SPTBN2: variants seen among roughly 807,000 people sequenced by gnomAD.
SPTBN2 encodes the protein spectrin beta chain, non-erythrocytic 2.
SPTBN2 carries 107 observed loss-of-function variants against 284.2 expected under a neutral mutation model. That is an observed-to-expected ratio of 0.38 (90% CI 0.32 to 0.44). The LOEUF (loss-of-function observed/expected upper bound fraction) is 0.44, where lower values mean the gene tolerates loss of function less well. Among genes scored for constraint, SPTBN2 ranks in the 20% least tolerant of loss-of-function variants. SPTBN2 has a pLI of 1.00. For synonymous variants in SPTBN2, 1,289 were observed against 1,354.8 expected (o/e 0.95, Z 1.07); for missense variants, 2,569 against 3,287.1 (o/e 0.78, Z 5.34).
chr11:66,698,165 C>A (rs1439152693), intron 20 of SPTBN2, among the ~76,000 whole-genome samples: 2 of 152,234 alleles, frequency 1.3e-5, no homozygotes. Context: ...ATCTGGCCCA[C>A]TGCCTGTTTT....
At chr11:66,692,773 TTAGGG>T (rs1940648095) in intron 25 of SPTBN2, 33 bp from the exon 26 acceptor site, 1 of 1,599,562 alleles carries the variant, frequency 6.3e-7, no homozygotes, top group African/African-American at 1.3e-5. Context: ...ACTGTGGGAC[TTAGGG>T]GTGTAGCTCT....
chr11:66,701,108 C>A lies in SPTBN2; in HGVS notation c.2991G>T (p.Leu997=). 1.2e-6 allele frequency: 2 copies of A among 1,612,972 alleles called. No homozygotes were observed. The highest frequency in any genetic ancestry group is 1.7e-6 in the Non-Finnish European group (2 of 1,180,038). ...GCTCCGTGCCGGCCAGCTTGCGCTG[C>A]AGGGCCAGCACCCCAGCCAGATCGT... ...LGNDLAGVLA[L]QRKLAGTERD... The change falls in exon 17 of 38, where the codon CTG becomes CTT. Residue 997 remains leucine (L), a synonymous_variant. Coordinates refer to ENST00000533211, the MANE Select transcript of SPTBN2 (RefSeq NM_006946.4).
intron 1 of SPTBN2, among the ~76,000 whole-genome samples, chr11:66,727,352 G>T (rs572044655): frequency 3.9e-4 from 60 of 152,350 alleles, no homozygotes; most frequent in Admixed American, 1.8e-3. Flanking sequence ...GCTCCGAGAG[G>T]GGGAGGGCAG....
At chr11:66,740,471 G>C (rs530537089) in intron 1 of SPTBN2, among the ~76,000 whole-genome samples, 2 of 152,296 alleles carry the variant, frequency 1.3e-5, no homozygotes, top group Non-Finnish European at 2.9e-5. Context: ...TCTGACCCCT[G>C]ATAAGAAAGC....
At position 66,694,331 on chromosome 11, in the gene SPTBN2, CTTCT is replaced by C; in HGVS notation, c.4307_4310del (p.Glu1436GlyfsTer68). ...CCTGGGCCTGGATTGCCTCCACCTC[CTTCT>C]CTCTCACAGCCATCTCCCATTCCAG... On this transcript the variant is annotated frameshift_variant, in exon 22 of 38. Transcript: ENST00000533211. LOFTEE classifies it high-confidence loss of function. The C allele has an allele frequency of 1.2e-6, 2 of 1,614,204 alleles. No individual in the cohort carries two copies. The highest frequency in any genetic ancestry group is 1.7e-6 in the Non-Finnish European group (2 of 1,180,016).
intron 17 of SPTBN2, 52 bp from the exon 18 acceptor site, chr11:66,699,660 C>G (rs751603098): frequency 1.3e-5 from 21 of 1,599,978 alleles, no homozygotes; most frequent in Middle Eastern, 1.9e-4. Context: ...AATTCACCCC[C>G]CTAGGAGGGA....
At chr11:66,694,536 A>G (rs903464752) in intron 21 of SPTBN2, among the ~76,000 whole-genome samples, 173 bp from the exon 22 acceptor site, 1 of 152,248 alleles carries the variant, frequency 6.6e-6, no homozygotes, top group African/African-American at 2.4e-5. Flanking sequence ...TATATGCACA[A>G]GAATCCAAGG....
At chr11:66,743,147 G>A (rs1247944266) in intron 1 of SPTBN2, among the ~76,000 whole-genome samples, 1 of 151,724 alleles carries the variant, frequency 6.6e-6, no homozygotes, top group Non-Finnish European at 1.5e-5. Flanking sequence ...CGGGGGGTGT[G>A]GGGGGAATGA....
At position 66,726,991 on chromosome 11, in the gene SPTBN2, G is replaced by A. The variant is rs190683929; in HGVS notation, c.-114+1750C>T. On this transcript the variant is annotated intron_variant, in intron 1 of 37. Transcript: ENST00000533211. Reference sequence around the variant, plus strand: ...TGTGTTCCTGATCAATTCCCTCGGAGGAAGTTAGGAACTGGGCTGAAGAGG... The same window carrying A: ...TGTGTTCCTGATCAATTCCCTCGGAAGAAGTTAGGAACTGGGCTGAAGAGG... 2.7e-3 allele frequency among the ~76,000 whole-genome samples: 406 copies of A among 152,316 alleles called. 1 individual carries two copies. Among genetic ancestry groups the A allele is most frequent in the Non-Finnish European group, 4.1e-3 (279 of 68,032 alleles).
Position 66,692,684 on chromosome 11 carries a change from T to A in SPTBN2, c.5042A>T (p.Glu1681Val), listed in dbSNP as rs756510588. Residue 1681 changes from glutamate to valine, a missense_variant, in exon 26 of 38, where the codon GAG becomes GTG. Physicochemically the swap from Glu to Val is moderately radical, Grantham distance 121. Transcript: ENST00000533211. Reference protein sequence around the residue: ...QVDKLYAGLKELAGERRERLQ... With the variant: ...QVDKLYAGLKVLAGERRERLQ... ...GCGCTCCCGCCGCTCTCCAGCCAGCTCCTTCAGGCCGGCATACAGCTTGTC... is the reference window on the plus strand; with the variant it reads ...GCGCTCCCGCCGCTCTCCAGCCAGCACCTTCAGGCCGGCATACAGCTTGTC... The A allele has an allele frequency of 2.5e-6, 4 of 1,604,954 alleles. No individual in the cohort carries two copies. The highest frequency in any genetic ancestry group is 1.3e-5 in the African/African-American group (1 of 74,930).
In SPTBN2 at chr11:66,691,313, C is replaced by T. The variant is rs753335851; in HGVS notation, c.5536G>A (p.Glu1846Lys). The change falls in exon 27 of 38, where the codon GAG (glutamate) becomes AAG (lysine). Residue 1846 changes from glutamate (E) to lysine (K), a missense_variant. Around this residue, in one of 6 missense-constraint regions of SPTBN2, gnomAD observed 1,130 missense variants for 1,317.3 expected, o/e 0.86. Coordinates refer to ENST00000533211, the MANE Select transcript of SPTBN2 (RefSeq NM_006946.4). This position sits in a 1 kb window ranked among gnomAD's most constrained non-coding sequence, Gnocchi z 8.0. ...GGGCTGAGGGCCTGAATGTCATGCT[C>T]GTAGGCACAGTGTCGGCGCTGCAGG... ...EALQRRHCAY[E>K]HDIQALSPQV... The T allele has an allele frequency of 3.2e-6, 5 of 1,544,776 alleles. No homozygotes were observed. The highest frequency in any genetic ancestry group is 3.5e-6 in the Non-Finnish European group (4 of 1,141,594).
At chr11:66,742,390 A>G (rs943070463) in intron 1 of SPTBN2, among the ~76,000 whole-genome samples, 10 of 152,262 alleles carry the variant, frequency 6.6e-5, no homozygotes, top group South Asian at 2.1e-4. Context: ...TAGGGAGGAC[A>G]GCTGTGTCCC....
chr11:66,691,797 TGG>T lies in SPTBN2; in HGVS notation c.5191-141_5191-140del. On this transcript the variant is annotated intron_variant, in intron 26 of 37. Transcript: ENST00000533211. The surrounding 1 kb of genome is among the most constrained non-coding windows in gnomAD (Gnocchi z 8.0). ...GGGGCCGGGACAGGTTTCTTCCCTG[TGG>T]TTAAGGAGTAGGTGCAGCTGCTTCC... 7.7e-7 allele frequency: 1 copy of T among 1,293,132 alleles called. No homozygotes were observed. The highest frequency in any genetic ancestry group is 1.3e-5 in the South Asian group (1 of 79,220). 80.1% of individuals were successfully genotyped at this position (1,293,132 alleles called of 1,614,324 possible). A position where few individuals can be genotyped will look rare whatever the true frequency, so the allele number is the denominator to read the frequency against.
chr11:66,731,203 G>A (rs1942810800), upstream of SPTBN2, among the ~76,000 whole-genome samples: 1 of 152,138 alleles, frequency 6.6e-6, no homozygotes, highest in Admixed American at 6.5e-5. Context: ...TTCCCATACT[G>A]TTTCCCGATT....
chr11:66,687,651 G>C lies in SPTBN2; in HGVS notation c.6502-4C>G, dbSNP rs776529897. 6.3e-7 allele frequency: 1 copy of C among 1,589,834 alleles called. No homozygotes were observed. The highest frequency in any genetic ancestry group is 8.6e-7 in the Non-Finnish European group (1 of 1,168,154). Reference sequence around the variant, plus strand: ...CTTCGTCCCCTGAGCCAGGTCCCTGGGGGGGAATCAGTGTCAGTGTCAAAG... The same window carrying C: ...CTTCGTCCCCTGAGCCAGGTCCCTGCGGGGGAATCAGTGTCAGTGTCAAAG... On this transcript the variant is annotated splice_region_variant and splice_polypyrimidine_tract_variant and intron_variant, in intron 34 of 37. Transcript: ENST00000533211. This position sits in a 1 kb window ranked among gnomAD's most constrained non-coding sequence, Gnocchi z 5.2.
At position 66,694,250 on chromosome 11, in the gene SPTBN2, C is replaced by T. The variant is rs1286155489; in HGVS notation, c.4392G>A (p.Arg1464=). 1 of 1,614,160 alleles carries T rather than the reference C, an allele frequency of 6.2e-7. No homozygotes were observed. ...QGAGEVERTS[R]AVEEKFRALC... is the part of the protein sequence containing the mutation. Reference sequence around the variant, plus strand: ...AGGCCCTGAACTTCTCCTCCACGGCCCTCGAGGTTCTCTCCACCTCCCCTG... The same window carrying T: ...AGGCCCTGAACTTCTCCTCCACGGCTCTCGAGGTTCTCTCCACCTCCCCTG... Residue 1464 remains arginine (R), a synonymous_variant, in exon 22 of 38, where the codon AGG becomes AGA. Coordinates refer to ENST00000533211, the MANE Select transcript of SPTBN2 (RefSeq NM_006946.4).
At chr11:66,699,326 T>C (rs983591027) in intron 18 of SPTBN2, 80 bp downstream of exon 18, 4 of 1,558,272 alleles carry the variant, frequency 2.6e-6, no homozygotes, top group Non-Finnish European at 3.5e-6. Flanking sequence ...GGGTTTCCTG[T>C]GCCACGTTTA....
At chr11:66,722,349 C>A (rs867021289) in intron 1 of SPTBN2, among the ~76,000 whole-genome samples, 1 of 150,758 alleles carries the variant, frequency 6.6e-6, no homozygotes, top group Non-Finnish European at 1.5e-5. Flanking sequence ...CCAAGGCGGG[C>A]GGATCACAAG....
chr11:66,683,063 A>ATTTTTTTTTTTTTTTTTTTTTTTTTTTTT lies in SPTBN2; in HGVS notation c.*2807_*2808insAAAAAAAAAAAAAAAAAAAAAAAAAAAAA. Among the ~76,000 whole-genome samples the ATTTTTTTTTTTTTTTTTTTTTTTTTTTTT allele has an allele frequency of 1.0e-5, 1 of 95,730 alleles. No individual in the cohort carries two copies. The highest frequency in any genetic ancestry group is 1.9e-5 in the Non-Finnish European group (1 of 53,988). The allele number at this position is 95,730 out of a possible 152,430, so 62.8% of individuals were successfully genotyped here. ...ACCACCATGCCTGGCCAAGTAATCCATTTTTTTTTTTTTTTTTTTTTTGAG... is the reference window on the plus strand; with the variant it reads ...ACCACCATGCCTGGCCAAGTAATCCATTTTTTTTTTTTTTTTTTTTTTTTTTTTTTTTTTTTTTTTTTTTTTTTTTTGAG... On this transcript the variant is annotated 3_prime_UTR_variant, in exon 38 of 38. Transcript: ENST00000533211.
Sources: allele counts gnomAD v4.1 joint callset (sites outside exome capture counted in the v4.1 genomes callset), GRCh38; gene constraint gnomAD v4.1.1; regional missense constraint gnomAD v4.1.1; non-coding constraint Gnocchi (gnomAD v3.1); transcripts MANE v1.5; gene names NCBI Gene and HGNC (gene_info 2026-07-23, HGNC 2026-07-21).